The following OXSR1 variants were observed in gnomAD, a reference collection of about 807,000 sequenced individuals.
OXSR1 encodes serine/threonine-protein kinase OSR1.
A neutral mutation model predicts 79.8 loss-of-function variants in OXSR1; 24 were observed. The ratio of observed to expected loss-of-function variants is 0.30; its 90% CI spans 0.22 to 0.42. The LOEUF (loss-of-function observed/expected upper bound fraction) is 0.42, where lower values mean the gene tolerates loss of function less well. OXSR1 is among the 10% of genes least tolerant of loss of function. OXSR1 has a pLI of 1.00. For synonymous variants in OXSR1, 226 were observed against 209.2 expected, an observed-to-expected ratio of 1.08 and a Z score of -0.69; for missense variants, 430 against 618.4, an observed-to-expected ratio of 0.70 and a Z score of 3.23.
chr3:38,189,018 TTGAAAACA>T (rs1197587881), intron 2 of OXSR1, among the ~76,000 whole-genome samples: 3 of 152,222 alleles, frequency 2.0e-5, no homozygotes. Context: ...TTAATATGTG[TTGAAAACA>T]TGAACTTCTT....
At chr3:38,220,000 T>C (rs983088589) in intron 5 of OXSR1, among the ~76,000 whole-genome samples, 2 of 152,098 alleles carry the variant, frequency 1.3e-5, no homozygotes, top group African/African-American at 4.8e-5. Flanking sequence ...ACAGATGGGG[T>C]CTCACTGTGT....
chr3:38,252,229 G>A (rs1046191409), intron 16 of OXSR1, 99 bp from the exon 17 acceptor site: 28 of 823,154 alleles, frequency 3.4e-5, no homozygotes, highest in African/African-American at 1.8e-4. Flanking sequence ...TTGATTGTAC[G>A]GAGCATATTC....
rs1376985046 is a variant in OXSR1 at position 38,193,280 on chromosome 3, A to G, written c.292+2441A>G. The G allele has an allele frequency of 3.1e-6, 4 of 1,289,704 alleles. No individual in the cohort carries two copies. In the South Asian group the frequency reaches 4.9e-5, roughly 16 times the overall value. 79.9% of individuals were successfully genotyped at this position (1,289,704 alleles called of 1,614,324 possible). A position where few individuals can be genotyped will look rare whatever the true frequency, so the allele number is the denominator to read the frequency against. On this transcript the variant is annotated intron_variant, in intron 3 of 17. Coordinates refer to ENST00000311806, the MANE Select transcript of OXSR1 (RefSeq NM_005109.3). The stretch of plus-strand genomic sequence containing the variant: ...ATCACCTTTTTGTTTCAATCCCATT[A>G]GTGACACACTGGAGAAACTGGATTG...
At chr3:38,191,677 G>A (rs1701987333) in intron 3 of OXSR1, among the ~76,000 whole-genome samples, 1 of 152,056 alleles carries the variant, frequency 6.6e-6, no homozygotes, top group African/African-American at 2.4e-5. Context: ...AGTGATGTTA[G>A]TTTTGTTTGC....
At chr3:38,221,433 A>T in intron 5 of OXSR1, 145 bp from the exon 6 acceptor site, 1 of 537,162 alleles carries the variant, frequency 1.9e-6, no homozygotes. Flanking sequence ...GCTATGTCTT[A>T]ATTTAGTCAA....
intron 5 of OXSR1, among the ~76,000 whole-genome samples, chr3:38,216,489 A>C (rs925038828): frequency 3.9e-5 from 6 of 152,212 alleles, no homozygotes; most frequent in Admixed American, 3.9e-4. Context: ...TTTAAGAATA[A>C]GTACGTTATA....
chr3:38,182,338 T>A (rs552544160), intron 1 of OXSR1, among the ~76,000 whole-genome samples: 1 of 152,282 alleles, frequency 6.6e-6, no homozygotes, highest in Non-Finnish European at 1.5e-5. Context: ...TGCTACTGTT[T>A]CAGGCATAGT....
At chr3:38,184,568 A>G (rs1287916090) in intron 2 of OXSR1, among the ~76,000 whole-genome samples, 1 of 152,206 alleles carries the variant, frequency 6.6e-6, no homozygotes, top group Non-Finnish European at 1.5e-5. Context: ...ATAATTTGCC[A>G]GTTAGTTAAT....
intron 5 of OXSR1, among the ~76,000 whole-genome samples, chr3:38,217,610 C>G (rs960865622): frequency 2.6e-5 from 4 of 152,182 alleles, no homozygotes; most frequent in Non-Finnish European, 4.4e-5. Context: ...TCACTGCAAC[C>G]TGTGCCTTCC....
At position 38,194,024 on chromosome 3, in the gene OXSR1, A is replaced by AT. The variant is rs199698023; in HGVS notation, c.292+3195dup. 2.7e-4 allele frequency among the ~76,000 whole-genome samples: 41 copies of AT among 151,034 alleles called. No homozygotes were observed. In the East Asian group the frequency reaches 7.8e-3, roughly 29 times the overall value. ...AAAGTTAGAACTAAGCACAGCTTAA[A>AT]TTTTTTTTTTAAACAGGAGGAAGAT... On this transcript the variant is annotated intron_variant, in intron 3 of 17. Transcript: ENST00000311806.
intron 10 of OXSR1, chr3:38,236,638 G>A (rs1368521754): frequency 2.6e-6 from 1 of 378,418 alleles, no homozygotes. Context: ...AAGTACAGCG[G>A]TTGTTACTAA....
intron 6 of OXSR1, among the ~76,000 whole-genome samples, chr3:38,223,147 AT>A (rs2125837011): frequency 6.6e-6 from 1 of 151,976 alleles, no homozygotes; most frequent in South Asian, 2.1e-4. Context: ...TTGTTTGTTT[AT>A]TTTTAGAGAC....
intron 2 of OXSR1, among the ~76,000 whole-genome samples, chr3:38,185,429 A>G (rs1306172862): frequency 6.6e-6 from 1 of 151,860 alleles, no homozygotes; most frequent in Non-Finnish European, 1.5e-5. Context: ...TATTAAAACA[A>G]TCAAAAATTA....
At chr3:38,222,344 A>C (rs960112879) in intron 6 of OXSR1, among the ~76,000 whole-genome samples, 1 of 152,214 alleles carries the variant, frequency 6.6e-6, no homozygotes, top group Non-Finnish European at 1.5e-5. Flanking sequence ...TAGTACCAGC[A>C]GATTGCGATG....
At chr3:38,237,090 A>C in intron 11 of OXSR1, 129 bp downstream of exon 11, 1 of 745,354 alleles carries the variant, frequency 1.3e-6, no homozygotes, top group Non-Finnish European at 2.1e-6. Flanking sequence ...ATAGGAGCCC[A>C]GTTAATTCTG....
chr3:38,213,159 G>A (rs1325303815), intron 4 of OXSR1, among the ~76,000 whole-genome samples: 2 of 152,090 alleles, frequency 1.3e-5, no homozygotes, highest in African/African-American at 4.8e-5. Flanking sequence ...TGTATATATG[G>A]CTTTAAAAAT....
intron 12 of OXSR1, among the ~76,000 whole-genome samples, chr3:38,243,042 AT>A (rs71635864): frequency 6.7e-6 from 1 of 149,860 alleles, no homozygotes; most frequent in Non-Finnish European, 1.5e-5. Context: ...TTATTTATTT[AT>A]TTATTTTGAG....
chr3:38,252,450 C>A, intron 17 of OXSR1, 58 bp downstream of exon 17: 1 of 1,102,632 alleles, frequency 9.1e-7, no homozygotes, highest in South Asian at 1.2e-5. Flanking sequence ...GGCAGCTTCT[C>A]CAGACCAGCT....
chr3:38,194,813 T>A (rs187341079), intron 3 of OXSR1, among the ~76,000 whole-genome samples: 2 of 152,288 alleles, frequency 1.3e-5, no homozygotes, highest in East Asian at 3.9e-4. Context: ...GAAATATGTA[T>A]AGGGTACCTT....
Sources: gnomAD v4.1 joint callset for allele counts (sites outside exome capture counted in the v4.1 genomes callset) on GRCh38, gnomAD v4.1.1 for gene constraint, MANE v1.5 for transcripts, NCBI Gene and HGNC (gene_info 2026-07-23, HGNC 2026-07-21) for gene names.